The following TDRD1 variants were observed in gnomAD, a reference collection of about 807,000 sequenced individuals.
TDRD1 encodes tudor domain-containing protein 1.
TDRD1 carries 37 observed loss-of-function variants against 140.6 expected under a neutral mutation model. The observed-to-expected ratio is 0.26, with a 90% CI of 0.20 to 0.35. The LOEUF is 0.35. Ranked by LOEUF, TDRD1 falls within the 10% of genes least tolerant of loss-of-function variation. The probability of loss-of-function intolerance (pLI) is 1.00; values close to 1 mark genes in which losing one functional copy is unlikely to be tolerated. For synonymous variants in TDRD1, 506 were observed against 475.7 expected (o/e 1.06, Z -0.83); for missense variants, 1,243 against 1,393.0 (o/e 0.89, Z 1.71).
intron 14 of TDRD1, 139 bp downstream of exon 14, chr10:114,212,175 T>A: frequency 1.4e-6 from 1 of 729,916 alleles, no homozygotes; most frequent in Non-Finnish European, 2.1e-6. Context: ...AAATGTCATT[T>A]ATCCCAAAGA....
At chr10:114,193,740 A>C (rs1436681684) in intron 3 of TDRD1, among the ~76,000 whole-genome samples, 2 of 152,224 alleles carry the variant, frequency 1.3e-5, no homozygotes, top group East Asian at 3.9e-4. Flanking sequence ...AGGAACTTTC[A>C]ACACGAGGTT....
chr10:114,202,047 CCTGTGCACACACAGGGTGTGGACCA>C (rs1440396131), intron 5 of TDRD1, among the ~76,000 whole-genome samples, 166 bp from the exon 6 acceptor site: 1 of 152,206 alleles, frequency 6.6e-6, no homozygotes, highest in Non-Finnish European at 1.5e-5. Context: ...AAGAAGCACA[CCTGTGCACACACAGGGTGTGGACCA>C]CTGTGTAGCC....
In TDRD1 at chr10:114,217,662, T is replaced by G. The variant is rs539102007; in HGVS notation, c.2323+7T>G. The G allele has an allele frequency of 2.1e-6, 3 of 1,402,874 alleles. No homozygotes were observed. In the South Asian group the frequency reaches 3.6e-5, roughly 17 times the overall value. 86.9% of individuals were successfully genotyped at this position (1,402,874 alleles called of 1,614,324 possible). On this transcript the variant is annotated splice_region_variant and intron_variant, in intron 17 of 25. Coordinates refer to ENST00000251864, the Ensembl canonical transcript of TDRD1. ...TGTTGTGCTTTTTTTGCAGGTAAGTTGCAATTGATGCAATCTTGACTTTTA... is the reference window on the plus strand; with the variant it reads ...TGTTGTGCTTTTTTTGCAGGTAAGTGGCAATTGATGCAATCTTGACTTTTA...
At chr10:114,214,104 T>G in exon 16 of TDRD1, 3 of 1,613,516 alleles carry the variant, frequency 1.9e-6, no homozygotes, top group Non-Finnish European at 2.5e-6. Flanking sequence ...GCCATGTGCT[T>G]AAAGAGGATG....
chr10:114,226,327 A>G lies in TDRD1; in HGVS notation c.3175+111A>G, dbSNP rs1056426648. ...ATGGGTATTTCCAGTAACTGCCTTA[A>G]TGTTTTTAAATATTAAGAGTTTTCA... On this transcript the variant is annotated intron_variant, in intron 22 of 25. Coordinates refer to ENST00000251864, the Ensembl canonical transcript of TDRD1. The G allele has an allele frequency of 1.4e-5, 9 of 663,400 alleles. No homozygotes were observed. The African/African-American group carries it at 1.5e-4, about 11-fold the overall frequency. The allele number at this position is 663,400 out of a possible 1,614,324, so 41.1% of individuals were successfully genotyped here. A position where few individuals can be genotyped will look rare whatever the true frequency, so the allele number is the denominator to read the frequency against.
chr10:114,198,302 A>G (rs1030022082), intron 3 of TDRD1, among the ~76,000 whole-genome samples: 5 of 152,118 alleles, frequency 3.3e-5, no homozygotes, highest in African/African-American at 1.2e-4. Context: ...GCCTTTTCTG[A>G]CACCACCTTG....
At chr10:114,187,103 G>A (rs780487013) in intron 1 of TDRD1, among the ~76,000 whole-genome samples, 3 of 152,176 alleles carry the variant, frequency 2.0e-5, no homozygotes, top group South Asian at 2.1e-4. Context: ...ACCATCTTTT[G>A]TGGATAGAGG....
exon 21 of TDRD1, chr10:114,222,601 C>G (rs868394793): frequency 6.2e-7 from 1 of 1,606,440 alleles, no homozygotes; most frequent in Non-Finnish European, 8.5e-7. Context: ...TCAGGAAAAG[C>G]TGTGCATGTT....
intron 1 of TDRD1, among the ~76,000 whole-genome samples, chr10:114,186,641 A>G (rs1355377804): frequency 6.6e-6 from 1 of 152,040 alleles, no homozygotes. Flanking sequence ...TGTCCCTTCA[A>G]TTTAGGCGTG....
chr10:114,201,367 T>A (rs1564944982), intron 4 of TDRD1, 43 bp from the exon 5 acceptor site: 1 of 1,501,782 alleles, frequency 6.7e-7, no homozygotes, highest in Non-Finnish European at 9.3e-7. Context: ...TTTGAGAATG[T>A]CTTGATCTTC....
intron 6 of TDRD1, 63 bp downstream of exon 6, chr10:114,202,361 A>C: frequency 8.4e-7 from 1 of 1,185,044 alleles, no homozygotes; most frequent in Admixed American, 2.4e-5. Context: ...GATGTAAGAT[A>C]AATATTTTAG....
chr10:114,200,627 G>A (rs561363956), intron 4 of TDRD1, among the ~76,000 whole-genome samples: 5 of 152,036 alleles, frequency 3.3e-5, no homozygotes, highest in East Asian at 3.9e-4. Flanking sequence ...GGGTTCAGGC[G>A]ATTCTCCTGC....
At chr10:114,203,615 G>T in intron 8 of TDRD1, 48 bp downstream of exon 8, 1 of 1,531,316 alleles carries the variant, frequency 6.5e-7, no homozygotes, top group South Asian at 1.3e-5. Context: ...GCTAACTTTG[G>T]TCGTATGAAC....
chr10:114,218,252 A>G (rs1476665141), intron 17 of TDRD1, among the ~76,000 whole-genome samples, 162 bp from the exon 18 acceptor site: 1 of 152,208 alleles, frequency 6.6e-6, no homozygotes, highest in African/African-American at 2.4e-5. Flanking sequence ...GAATTCTTTC[A>G]TTCTAGAGAT....
At chr10:114,203,123 A>G (rs1221721626) in exon 7 of TDRD1, 4 of 1,613,876 alleles carry the variant, frequency 2.5e-6, no homozygotes, top group East Asian at 2.2e-5. Flanking sequence ...GGCTGAGAGA[A>G]TAATGTTTTC....
chr10:114,228,210 T>C (rs1406450136), intron 25 of TDRD1: 2 of 1,476,878 alleles, frequency 1.4e-6, no homozygotes, highest in Non-Finnish European at 9.0e-7. Context: ...ATAGAGCTAA[T>C]GGAGTGAAAC....
intron 10 of TDRD1, among the ~76,000 whole-genome samples, chr10:114,205,724 C>T (rs183261575): frequency 2.6e-5 from 4 of 152,012 alleles, no homozygotes; most frequent in Non-Finnish European, 5.9e-5. Flanking sequence ...GAAGGGTAGT[C>T]AGGGGCTGGG....
intron 2 of TDRD1, among the ~76,000 whole-genome samples, chr10:114,190,055 C>T (rs1014057761): frequency 1.3e-5 from 2 of 152,154 alleles, no homozygotes; most frequent in African/African-American, 4.8e-5. Flanking sequence ...AAGTATTCCT[C>T]CTCGTTGCAA....
At chr10:114,226,431 T>C (rs1018832428) in intron 22 of TDRD1, among the ~76,000 whole-genome samples, 1 of 152,318 alleles carries the variant, frequency 6.6e-6, no homozygotes, top group East Asian at 1.9e-4. Context: ...GTAGATTAGT[T>C]TCAGAGGGCC....
Sources: gnomAD v4.1 joint callset for allele counts (sites outside exome capture counted in the v4.1 genomes callset) on GRCh38, gnomAD v4.1.1 for gene constraint, MANE v1.5 for transcripts, NCBI Gene and HGNC (gene_info 2026-07-23, HGNC 2026-07-21) for gene names.